The following ARHGAP1 variants were observed in gnomAD, a reference collection of about 807,000 sequenced individuals.
ARHGAP1 encodes the protein rho GTPase-activating protein 1.
In ARHGAP1, 23 loss-of-function variants were observed where a neutral mutation model predicts 52.2. The ratio of observed to expected loss-of-function variants is 0.44; its 90% CI spans 0.32 to 0.62. The LOEUF (loss-of-function observed/expected upper bound fraction) is 0.62, where lower values mean the gene tolerates loss of function less well. Among genes scored for constraint, ARHGAP1 ranks in the 20% least tolerant of loss-of-function variants. ARHGAP1 has a pLI of 0.05. For synonymous variants in ARHGAP1, 210 were observed against 228.4 expected (o/e 0.92, Z 0.73); for missense variants, 480 against 560.9 (o/e 0.86, Z 1.46).
chr11:46,682,308 G>A, intron 4 of ARHGAP1, 126 bp from the exon 5 acceptor site: 1 of 1,302,126 alleles, frequency 7.7e-7, no homozygotes, highest in Admixed American at 2.1e-5. Context: ...CCCTAGCACA[G>A]TCTGTTCTGG....
chr11:46,699,340 C>A (rs1417141213), intron 1 of ARHGAP1, among the ~76,000 whole-genome samples: 1 of 152,152 alleles, frequency 6.6e-6, no homozygotes, highest in African/African-American at 2.4e-5. Context: ...GGACCATGAA[C>A]TGGGGACACA....
chr11:46,695,846 G>A (rs2064648832), intron 2 of ARHGAP1, 91 bp from the exon 3 acceptor site: 1 of 1,587,862 alleles, frequency 6.3e-7, no homozygotes, highest in Admixed American at 1.7e-5. Context: ...CCCCCAGTAA[G>A]GCCCATGCTC....
In ARHGAP1 at chr11:46,680,326, C is replaced by T. The variant is rs758614144; in HGVS notation, c.821-44G>A. ...TGGTGAGCCTCCGAGCGCTGGGCAC[C>T]GGCTGGATTCCCTGCCCCTTCTCTG... On this transcript the variant is annotated intron_variant, in intron 9 of 12. Coordinates refer to ENST00000311956, the MANE Select transcript of ARHGAP1 (RefSeq NM_004308.5). This position sits in a 1 kb window ranked among gnomAD's most constrained non-coding sequence, Gnocchi z 5.9. 2.2e-5 allele frequency: 35 copies of T among 1,604,794 alleles called. No individual in the cohort carries two copies. Among genetic ancestry groups the T allele is most frequent in the African/African-American group, 1.2e-4 (9 of 74,836 alleles).
chr11:46,695,524 A>G, intron 3 of ARHGAP1, 136 bp downstream of exon 3: 2 of 931,920 alleles, frequency 2.1e-6, no homozygotes, highest in Non-Finnish European at 3.4e-6. Context: ...CCACTAGGCC[A>G]CATGGCTCCC....
chr11:46,687,794 A>G (rs922759215), intron 4 of ARHGAP1: 57 of 191,596 alleles, frequency 3.0e-4, no homozygotes, highest in Non-Finnish European at 5.5e-4. Flanking sequence ...TATAAACGAT[A>G]AACAACTGCA....
Position 46,681,384 on chromosome 11 carries a change from A to T in ARHGAP1, c.450-5T>A, listed in dbSNP as rs767999223. 6.2e-7 allele frequency: 1 copy of T among 1,601,718 alleles called. No individual in the cohort carries two copies. Among genetic ancestry groups the T allele is most frequent in the South Asian group, 1.1e-5 (1 of 90,792 alleles). ...GCCTTGATGTTTTTCTTGTACCTGCAGAGACAGAATGGACAACTCAGGAGC... is the reference window on the plus strand; with the variant it reads ...GCCTTGATGTTTTTCTTGTACCTGCTGAGACAGAATGGACAACTCAGGAGC... On this transcript the variant is annotated splice_region_variant and splice_polypyrimidine_tract_variant and intron_variant, in intron 5 of 12. Coordinates refer to ENST00000311956, the MANE Select transcript of ARHGAP1 (RefSeq NM_004308.5). This position sits in a 1 kb window ranked among gnomAD's most constrained non-coding sequence, Gnocchi z 5.7.
intron 2 of ARHGAP1, 98 bp from the exon 3 acceptor site, chr11:46,695,853 G>C (rs758894356): frequency 3.5e-5 from 55 of 1,591,298 alleles, no homozygotes; most frequent in Non-Finnish European, 4.6e-5. Context: ...TAAGGCCCAT[G>C]CTCCCAGCCC....
At position 46,688,167 on chromosome 11, in the gene ARHGAP1, A is replaced by G; in HGVS notation, c.317+6T>C. Reference sequence around the variant, plus strand: ...AGCCCCAACACACTTCCCAGCAGGTACTCACCCCAGGAGCTTGCTGTGGTC... The same window carrying G: ...AGCCCCAACACACTTCCCAGCAGGTGCTCACCCCAGGAGCTTGCTGTGGTC... On this transcript the variant is annotated splice_donor_region_variant and intron_variant, in intron 4 of 12. Transcript: ENST00000311956. The G allele has an allele frequency of 6.2e-7, 1 of 1,612,410 alleles. No individual in the cohort carries two copies. The highest frequency in any genetic ancestry group is 8.5e-7 in the Non-Finnish European group (1 of 1,178,884).
At chr11:46,693,880 C>T (rs2134494588) in intron 3 of ARHGAP1, among the ~76,000 whole-genome samples, 1 of 152,318 alleles carries the variant, frequency 6.6e-6, no homozygotes, top group South Asian at 2.1e-4. Context: ...GCAAATGCTA[C>T]AAATCATGGC....
chr11:46,694,870 C>G (rs536123679), intron 3 of ARHGAP1, among the ~76,000 whole-genome samples: 8 of 152,198 alleles, frequency 5.3e-5, no homozygotes, highest in Non-Finnish European at 1.2e-4. Flanking sequence ...CAGGCTTCTT[C>G]CAGGGCCGGT....
At chr11:46,685,443 T>C (rs548812940) in intron 4 of ARHGAP1, among the ~76,000 whole-genome samples, 4 of 151,514 alleles carry the variant, frequency 2.6e-5, no homozygotes, top group African/African-American at 9.7e-5. Context: ...TTCTCCAGCC[T>C]CAGCCTCCTA....
chr11:46,696,306 C>T lies in ARHGAP1; in HGVS notation c.-49-150G>A, dbSNP rs562792552. The T allele has an allele frequency of 1.2e-5, 7 of 603,556 alleles. No homozygotes were observed. In the East Asian group the frequency reaches 1.2e-4, roughly 10 times the overall value. The allele number at this position is 603,556 out of a possible 1,614,324, so 37.4% of individuals were successfully genotyped here. On this transcript the variant is annotated intron_variant, in intron 1 of 12. Coordinates refer to ENST00000311956, the MANE Select transcript of ARHGAP1 (RefSeq NM_004308.5). The surrounding 1 kb of genome is among the most constrained non-coding windows in gnomAD (Gnocchi z 4.8). ...CTCCTCATCCCCGCCAAGAGCTCCA[C>T]GTAGCTCTGGGTTCTCCTGGCTCCG...
intron 3 of ARHGAP1, chr11:46,695,368 G>T: frequency 2.2e-6 from 1 of 447,804 alleles, no homozygotes; most frequent in Non-Finnish European, 4.3e-6. Context: ...AGAACGAGGG[G>T]AAGGGAAGGC....
chr11:46,679,544 G>C lies in ARHGAP1; in HGVS notation c.1028-76C>G. ...AGGACGCTCTGATGCAGGCTAGAGGGGAGACCCCCAGCAGTCTTCCCTGGG... is the reference window on the plus strand; with the variant it reads ...AGGACGCTCTGATGCAGGCTAGAGGCGAGACCCCCAGCAGTCTTCCCTGGG... On this transcript the variant is annotated intron_variant, in intron 11 of 12. Transcript: ENST00000311956. This position sits in a 1 kb window ranked among gnomAD's most constrained non-coding sequence, Gnocchi z 4.4. The C allele has an allele frequency of 6.2e-7, 1 of 1,606,866 alleles. No individual in the cohort carries two copies. Among genetic ancestry groups the C allele is most frequent in the Non-Finnish European group, 8.5e-7 (1 of 1,175,134 alleles).
In ARHGAP1 at chr11:46,680,190, C is replaced by T; in HGVS notation, c.898+15G>A. The T allele has an allele frequency of 6.2e-7, 1 of 1,613,688 alleles. No individual in the cohort carries two copies. Among genetic ancestry groups the T allele is most frequent in the Non-Finnish European group, 8.5e-7 (1 of 1,179,732 alleles). On this transcript the variant is annotated intron_variant, in intron 10 of 12. Coordinates refer to ENST00000311956, the MANE Select transcript of ARHGAP1 (RefSeq NM_004308.5). This position sits in a 1 kb window ranked among gnomAD's most constrained non-coding sequence, Gnocchi z 5.9. Reference sequence around the variant, plus strand: ...TAACACACATATGGCCCTGCAACAGCCCAGGGCTGCTCACCCATGTTGTAC... The same window carrying T: ...TAACACACATATGGCCCTGCAACAGTCCAGGGCTGCTCACCCATGTTGTAC...
intron 3 of ARHGAP1, chr11:46,695,207 T>C (rs963315389): frequency 2.9e-6 from 1 of 345,434 alleles, no homozygotes; most frequent in Admixed American, 3.8e-5. Flanking sequence ...CAGGGAGCCA[T>C]GTGCCCCCTC....
Position 46,696,239 on chromosome 11 carries a change from C to A in ARHGAP1, c.-49-83G>T. ...CCTCCACCGCGTGCCCTCCTGCCCCCACCATTCCCTCTCCCAGGCTCCCTG... is the reference window on the plus strand; with the variant it reads ...CCTCCACCGCGTGCCCTCCTGCCCCAACCATTCCCTCTCCCAGGCTCCCTG... On this transcript the variant is annotated intron_variant, in intron 1 of 12. Transcript: ENST00000311956. The surrounding 1 kb of genome is among the most constrained non-coding windows in gnomAD (Gnocchi z 4.8). 1.1e-6 allele frequency: 1 copy of A among 913,406 alleles called. No individual in the cohort carries two copies. 56.6% of individuals were successfully genotyped at this position (913,406 alleles called of 1,614,324 possible). A position where few individuals can be genotyped will look rare whatever the true frequency, so the allele number is the denominator to read the frequency against.
At position 46,695,813 on chromosome 11, in the gene ARHGAP1, C is replaced by T. The variant is rs1036124827; in HGVS notation, c.134-58G>A. The T allele has an allele frequency of 8.3e-6, 13 of 1,559,224 alleles. No individual in the cohort carries two copies. The African/African-American group carries it at 1.5e-4, about 18-fold the overall frequency. ...AGGGGGCTGGCACCATGCTCTGCCCCACAGGCATGCTGTCTGGCCCTTCCC... is the reference window on the plus strand; with the variant it reads ...AGGGGGCTGGCACCATGCTCTGCCCTACAGGCATGCTGTCTGGCCCTTCCC... On this transcript the variant is annotated intron_variant, in intron 2 of 12. Coordinates refer to ENST00000311956, the MANE Select transcript of ARHGAP1 (RefSeq NM_004308.5).
rs150718407 is a variant in ARHGAP1, at chr11:46,679,465, A to G, written c.1031T>C (p.Ile344Thr). Residue 344 changes from isoleucine to threonine, a missense_variant, in exon 12 of 13, where the codon ATT (isoleucine) becomes ACT (threonine). Transcript: ENST00000311956. The surrounding 1 kb of genome is among the most constrained non-coding windows in gnomAD (Gnocchi z 4.4). The part of the protein sequence containing the change: ...LYPHVVGFLN[I>T]DESQRVPATL... Reference sequence around the variant, plus strand: ...CGCTGGCACCCTCTGGCTTTCATCAATGTCTATGAGGAAAGGAGGCCCGGG... The same window carrying G: ...CGCTGGCACCCTCTGGCTTTCATCAGTGTCTATGAGGAAAGGAGGCCCGGG... The G allele has an allele frequency of 1.2e-5, 20 of 1,613,786 alleles. No individual in the cohort carries two copies. In the African/African-American group the frequency reaches 1.6e-4, roughly 13 times the overall value.
Sources: gnomAD v4.1 joint callset for allele counts (sites outside exome capture counted in the v4.1 genomes callset) on GRCh38, gnomAD v4.1.1 for gene constraint, Gnocchi (gnomAD v3.1) non-coding constraint, MANE v1.5 for transcripts, NCBI Gene and HGNC (gene_info 2026-07-23, HGNC 2026-07-21) for gene names.